Variants in FAXC observed in about 807,000 individuals in gnomAD.
The protein encoded by FAXC is failed axon connections homolog.
FAXC carries 10 observed loss-of-function variants against 41.9 expected under a neutral mutation model. The ratio of observed to expected loss-of-function variants is 0.24; its 90% CI spans 0.15 to 0.41. The LOEUF (loss-of-function observed/expected upper bound fraction) is 0.41. Ranked by LOEUF, FAXC falls within the 10% of genes least tolerant of loss-of-function variation. The pLI, the probability that FAXC is intolerant of heterozygous loss-of-function variation, is 1.00. For synonymous variants in FAXC, 183 were observed against 183.8 expected (o/e 1.00, Z 0.03); for missense variants, 399 against 510.9 (o/e 0.78, Z 2.11).
At chr6:99,288,440 T>C (rs1582619354) in intron 5 of FAXC, among the ~76,000 whole-genome samples, 1 of 151,938 alleles carries the variant, frequency 6.6e-6, no homozygotes, top group Admixed American at 6.6e-5. Flanking sequence ...GGGAATAAAG[T>C]AGGAAATAAT....
intron 4 of FAXC, among the ~76,000 whole-genome samples, chr6:99,310,987 A>G (rs1772132669): frequency 6.6e-6 from 1 of 152,226 alleles, no homozygotes; most frequent in South Asian, 2.1e-4. Context: ...CCTATCCCAA[A>G]GCTTTCTTAA....
chr6:99,311,143 C>T (rs1423497263), intron 4 of FAXC, among the ~76,000 whole-genome samples: 2 of 152,344 alleles, frequency 1.3e-5, no homozygotes, highest in South Asian at 4.1e-4. Flanking sequence ...ACTGAGACTT[C>T]AGCAGGGGTG....
chr6:99,314,555 C>A (rs1772264368), intron 4 of FAXC, among the ~76,000 whole-genome samples: 1 of 152,176 alleles, frequency 6.6e-6, no homozygotes, highest in African/African-American at 2.4e-5. Flanking sequence ...GCCTGGGCAA[C>A]AGCTTCTTCC....
In FAXC at chr6:99,302,374, G is replaced by A. The variant is rs188645957; in HGVS notation, c.824-10554C>T. 6.6e-3 allele frequency among the ~76,000 whole-genome samples: 1,005 copies of A among 152,260 alleles called. 4 individuals are homozygous for A. Among genetic ancestry groups the A allele is most frequent in the Non-Finnish European group, 0.011 (778 of 68,018 alleles). On this transcript the variant is annotated intron_variant, in intron 4 of 5. Coordinates refer to ENST00000389677, the MANE Select transcript of FAXC (RefSeq NM_032511.4). ...ATTCTTCTTGTTAAAAGCAAATCAC[G>A]GCCACGCGCAGTGGCTCACACCTGT...
In FAXC at chr6:99,277,216, C is replaced by T. The variant is rs1299283024; in HGVS notation, c.*3948G>A. ...GTGAACAAAGGTGAAAACACCAGAC[C>T]CTAAGGAGTAGCCCCTCACCCTGAG... On this transcript the variant is annotated 3_prime_UTR_variant, in exon 6 of 6. Transcript: ENST00000389677. 1 of 152,450 alleles carries T rather than the reference C, an allele frequency of 6.6e-6. No individual in the cohort carries two copies. Among genetic ancestry groups the T allele is most frequent in the African/African-American group, 2.4e-5 (1 of 41,550 alleles). The allele number at this position is 152,450 out of a possible 1,614,324, so 9.4% of individuals were successfully genotyped here.
chr6:99,308,224 G>A (rs1728414714), intron 4 of FAXC, among the ~76,000 whole-genome samples: 2 of 152,228 alleles, frequency 1.3e-5, no homozygotes, highest in African/African-American at 4.8e-5. Flanking sequence ...TTGAACCTGG[G>A]AGGCGGAGAT....
rs897100559 is a variant in FAXC, at chr6:99,317,483, T to C, written c.823+5961A>G. ...AATTTTAGAAAATGTTCTAAAGAAA[T>C]CATCCTGACATAACTTAACTTCTGT... On this transcript the variant is annotated intron_variant, in intron 4 of 5. Transcript: ENST00000389677. Among the ~76,000 whole-genome samples the C allele has an allele frequency of 1.1e-4, 16 of 152,238 alleles. No homozygotes were observed. The East Asian group carries it at 2.1e-3, about 20-fold the overall frequency.
At chr6:99,335,508 C>A (rs536949698) in intron 2 of FAXC, among the ~76,000 whole-genome samples, 73 of 152,306 alleles carry the variant, frequency 4.8e-4, no homozygotes, top group African/African-American at 1.7e-3. Context: ...TTTGTTCTTC[C>A]TTTCACTTAC....
At chr6:99,285,585 A>T (rs1266004055) in intron 5 of FAXC, among the ~76,000 whole-genome samples, 1 of 152,052 alleles carries the variant, frequency 6.6e-6, no homozygotes, top group East Asian at 1.9e-4. Flanking sequence ...GACATGGATG[A>T]GGAGAAGGCC....
intron 1 of FAXC, among the ~76,000 whole-genome samples, chr6:99,347,057 T>C (rs1773619040): frequency 6.6e-6 from 1 of 150,582 alleles, no homozygotes. Context: ...AGGCCAGGAG[T>C]TTGAGACAAG....
intron 4 of FAXC, among the ~76,000 whole-genome samples, chr6:99,315,165 G>A (rs1041663353): frequency 4.8e-5 from 7 of 146,488 alleles, no homozygotes; most frequent in Admixed American, 2.0e-4. Flanking sequence ...CTTGGGAGGC[G>A]GAGACTACAG....
In FAXC at chr6:99,343,354, T is replaced by C. The variant is rs551570287; in HGVS notation, c.267-321A>G. Among the ~76,000 whole-genome samples the C allele has an allele frequency of 2.6e-5, 4 of 152,344 alleles. No individual in the cohort carries two copies. The South Asian group carries it at 8.3e-4, about 32-fold the overall frequency. ...GGGCAGCAAGAACATTTTCTAGTAC[T>C]GGTCCACCTATTCTCCAGCCGGCTG... On this transcript the variant is annotated intron_variant, in intron 1 of 5. Transcript: ENST00000389677.
rs950720927 is a variant in FAXC at position 99,279,423 on chromosome 6, T to G, written c.*1741A>C. On this transcript the variant is annotated 3_prime_UTR_variant, in exon 6 of 6. Coordinates refer to ENST00000389677, the MANE Select transcript of FAXC (RefSeq NM_032511.4). ...TTACCTCTTTGTGAATCTACAGCAG[T>G]CTTTTAAGATTGTTTTGCAAATGCT... 3 of 152,060 alleles carry G rather than the reference T, an allele frequency of 2.0e-5. No individual in the cohort carries two copies. Among genetic ancestry groups the G allele is most frequent in the Non-Finnish European group, 4.4e-5 (3 of 68,022 alleles). The allele number at this position is 152,060 out of a possible 1,614,324, so 9.4% of individuals were successfully genotyped here. A position where few individuals can be genotyped will look rare whatever the true frequency, so the allele number is the denominator to read the frequency against.
intron 4 of FAXC, among the ~76,000 whole-genome samples, chr6:99,299,258 A>G (rs1462238301): frequency 6.6e-6 from 1 of 152,168 alleles, no homozygotes; most frequent in East Asian, 1.9e-4. Context: ...TTCCTCCCTA[A>G]TTCTTTTCCC....
intron 5 of FAXC, chr6:99,284,053 A>T (rs1269654133): frequency 6.6e-6 from 1 of 152,210 alleles, no homozygotes; most frequent in Admixed American, 6.5e-5. Context: ...TCATAATAGC[A>T]GACAGTTACA....
At chr6:99,340,666 CTTTTTTTTT>C (rs61071426) in intron 2 of FAXC, among the ~76,000 whole-genome samples, 1 of 96,952 alleles carries the variant, frequency 1.0e-5, no homozygotes, top group East Asian at 3.2e-4. Context: ...GCTAAAATTC[CTTTTTTTTT>C]TTTTTTTTTT....
rs201088333 is a variant in FAXC, at chr6:99,285,098, G to GC, written c.941-3646dup. 9.3e-3 allele frequency among the ~76,000 whole-genome samples: 1,412 copies of GC among 151,964 alleles called. 21 individuals carry two copies. The highest frequency in any genetic ancestry group is 0.031 in the African/African-American group (1,278 of 41,460). On this transcript the variant is annotated intron_variant, in intron 5 of 5. Coordinates refer to ENST00000389677, the MANE Select transcript of FAXC (RefSeq NM_032511.4). ...GGTCAGGCATTGTACTACATGGCTGGCAGAGGCATACATTGCTATAACCTG... is the reference window on the plus strand; with the variant it reads ...GGTCAGGCATTGTACTACATGGCTGGCCAGAGGCATACATTGCTATAACCTG...
At chr6:99,303,769 C>A (rs976203886) in intron 4 of FAXC, among the ~76,000 whole-genome samples, 2 of 152,078 alleles carry the variant, frequency 1.3e-5, no homozygotes, top group Admixed American at 6.5e-5. Context: ...TAAAAAATAA[C>A]TTGTATTAGA....
At chr6:99,282,953 A>G (rs573270407) in intron 5 of FAXC, among the ~76,000 whole-genome samples, 24 of 152,268 alleles carry the variant, frequency 1.6e-4, no homozygotes, top group African/African-American at 5.5e-4. Flanking sequence ...TCTTTTTCCT[A>G]TCCTATGTTT....
Sources: gnomAD v4.1 joint callset for allele counts (sites outside exome capture counted in the v4.1 genomes callset) on GRCh38, gnomAD v4.1.1 for gene constraint, MANE v1.5 for transcripts, NCBI Gene and HGNC (gene_info 2026-07-23, HGNC 2026-07-21) for gene names.